DDHD2: variants seen among roughly 807,000 people sequenced by gnomAD.
The protein encoded by DDHD2 is triacylglycerol hydrolase DDHD2.
DDHD2 carries 62 observed loss-of-function variants against 91.2 expected under a neutral mutation model. The observed-to-expected ratio is 0.68, with a 90% CI of 0.55 to 0.84. The LOEUF is 0.84. DDHD2 is among the 40% of genes least tolerant of loss of function. DDHD2 has a pLI of 0.00. For missense variants in DDHD2, 740 were observed against 846.9 expected (o/e 0.87, Z 1.57); for synonymous variants, 271 against 293.9 (o/e 0.92, Z 0.80).
At chr8:38,260,171 A>G (rs1355022942) in intron 17 of DDHD2, 24 bp downstream of exon 17, 5 of 1,260,162 alleles carry the variant, frequency 4.0e-6, no homozygotes, top group Admixed American at 1.7e-5. Flanking sequence ...TGTCATATAT[A>G]TAGTGTAATT....
intron 11 of DDHD2, chr8:38,250,906 TC>T (rs1806059007): frequency 6.6e-6 from 1 of 152,164 alleles, no homozygotes; most frequent in South Asian, 2.1e-4. Context: ...TTTTGGACAT[TC>T]CATATAAATG....
chr8:38,253,824 A>T (rs139817938), intron 16 of DDHD2, 106 bp downstream of exon 16: 1 of 1,194,866 alleles, frequency 8.4e-7, no homozygotes, highest in Non-Finnish European at 1.2e-6. Flanking sequence ...TCAGGCTTAT[A>T]ATCTCAGCAC....
downstream of DDHD2, chr8:38,266,888 C>T: frequency 3.1e-6 from 1 of 322,920 alleles, no homozygotes; most frequent in Non-Finnish European, 5.1e-6. Context: ...AAATGGGACT[C>T]ATAAATACAA....
chr8:38,267,392 C>T, downstream of DDHD2: 1 of 1,612,886 alleles, frequency 6.2e-7, no homozygotes, highest in Non-Finnish European at 8.5e-7. Context: ...TGGGCGTGGC[C>T]TGGAAGAAAG....
chr8:38,272,423 G>C (rs1332943718), downstream of DDHD2: 2 of 152,180 alleles, frequency 1.3e-5, no homozygotes, highest in African/African-American at 4.8e-5. Flanking sequence ...CACTGCCTCT[G>C]GCTGCTTCAG....
rs199627917 is a variant in DDHD2 at position 38,247,719 on chromosome 8, C to T, written c.1132C>T (p.Leu378=). The change falls in exon 10 of 18, where the codon CTA becomes TTA. Residue 378 remains leucine, a synonymous_variant. Coordinates refer to ENST00000397166, the MANE Select transcript of DDHD2 (RefSeq NM_015214.3). ...TTTATAATTTAATTTTTAGGATTCG[C>T]TAAATATTGTAATGGATCAAGGAGA... The part of the protein sequence containing the change: ...LGDIDSEKDS[L]NIVMDQGDTP... The T allele has an allele frequency of 1.0e-5, 15 of 1,495,858 alleles. No individual in the cohort carries two copies. The East Asian group carries it at 3.6e-4, about 36-fold the overall frequency. The allele number at this position is 1,495,858 out of a possible 1,614,324, so 92.7% of individuals were successfully genotyped here. A position where few individuals can be genotyped will look rare whatever the true frequency, so the allele number is the denominator to read the frequency against.
downstream of DDHD2, chr8:38,266,494 G>A (rs1177371828): frequency 4.2e-5 from 23 of 554,004 alleles, no homozygotes; most frequent in Admixed American, 3.2e-4. Flanking sequence ...TCCACCACCC[G>A]GGTTCAAGCG....
At chr8:38,267,820 G>A (rs1204047636), downstream of DDHD2, 1 of 1,377,968 alleles carries the variant, frequency 7.3e-7, no homozygotes, top group Non-Finnish European at 1.0e-6. Flanking sequence ...AAGACGTGTG[G>A]TGGACACCAT....
At position 38,249,811 on chromosome 8, in the gene DDHD2, C is replaced by G; in HGVS notation, c.1344+8C>G. The G allele has an allele frequency of 6.4e-7, 1 of 1,551,956 alleles. No homozygotes were observed. The highest frequency in any genetic ancestry group is 8.9e-7 in the Non-Finnish European group (1 of 1,126,046). ...ACCAGAAAAAACTCAATGGTATGTGCCTAATACAGCTTGTTGGACTAAACA... is the reference window on the plus strand; with the variant it reads ...ACCAGAAAAAACTCAATGGTATGTGGCTAATACAGCTTGTTGGACTAAACA... On this transcript the variant is annotated splice_region_variant and intron_variant, in intron 11 of 17. Coordinates refer to ENST00000397166, the MANE Select transcript of DDHD2 (RefSeq NM_015214.3).
At chr8:38,233,938 AAAG>A (rs1305726908) in intron 2 of DDHD2, among the ~76,000 whole-genome samples, 1 of 151,798 alleles carries the variant, frequency 6.6e-6, no homozygotes, top group Non-Finnish European at 1.5e-5. Flanking sequence ...AAAAAAAAAA[AAAG>A]AAAAGAAAAG....
chr8:38,268,928 C>A, intron 1 of DDHD2: 2 of 1,561,414 alleles, frequency 1.3e-6, no homozygotes. Flanking sequence ...GTAGGGGTTC[C>A]GGTAGAGCCA....
chr8:38,235,610 A>T (rs1295903958), intron 3 of DDHD2, among the ~76,000 whole-genome samples: 2 of 151,422 alleles, frequency 1.3e-5, no homozygotes, highest in Non-Finnish European at 2.9e-5. Flanking sequence ...AATCCCAGCT[A>T]CTTGGGAGGC....
At chr8:38,248,788 T>C (rs1207059950) in intron 10 of DDHD2, among the ~76,000 whole-genome samples, 2 of 151,402 alleles carry the variant, frequency 1.3e-5, no homozygotes, top group Non-Finnish European at 2.9e-5. Flanking sequence ...GTACTAAAAA[T>C]ACAAAAATTA....
At chr8:38,253,362 A>G (rs570808353) in intron 15 of DDHD2, 194 bp from the exon 16 acceptor site, 57 of 747,146 alleles carry the variant, frequency 7.6e-5, no homozygotes, top group Admixed American at 1.5e-4. Flanking sequence ...CGCAAAAGCA[A>G]AAAAGGGGAT....
downstream of DDHD2, chr8:38,263,500 T>G: frequency 7.1e-6 from 7 of 985,456 alleles, no homozygotes; most frequent in Non-Finnish European, 8.4e-6. Flanking sequence ...GAAACCACAC[T>G]CCTGACCATT....
intron 1 of DDHD2, chr8:38,269,149 C>G: frequency 2.6e-6 from 4 of 1,516,286 alleles, no homozygotes; most frequent in Non-Finnish European, 2.6e-6. Flanking sequence ...ACAGCGCGAG[C>G]CGCACGCCCA....
chr8:38,253,385 C>T (rs1016254078), intron 15 of DDHD2, 171 bp from the exon 16 acceptor site: 4 of 749,712 alleles, frequency 5.3e-6, no homozygotes, highest in Admixed American at 3.0e-5. Context: ...GACAAAATTA[C>T]TGTGACCTGA....
At chr8:38,268,026 A>AT in intron 1 of DDHD2, 1 of 1,611,898 alleles carries the variant, frequency 6.2e-7, no homozygotes, top group Non-Finnish European at 8.5e-7. Flanking sequence ...TGGCCTCGTT[A>AT]TGAGAGCAGC....
intron 7 of DDHD2, 95 bp from the exon 8 acceptor site, chr8:38,245,647 T>C: frequency 1.8e-6 from 2 of 1,124,858 alleles, no homozygotes; most frequent in Non-Finnish European, 2.6e-6. Flanking sequence ...TCGACAATTG[T>C]TTGTTATAAA....
Sources: allele counts gnomAD v4.1 joint callset (sites outside exome capture counted in the v4.1 genomes callset), GRCh38; gene constraint gnomAD v4.1.1; transcripts MANE v1.5; gene names NCBI Gene and HGNC (gene_info 2026-07-23, HGNC 2026-07-21).